NHSL1: variants seen among roughly 807,000 people sequenced by gnomAD.
NHSL1 encodes the protein NHS-like protein 1.
In NHSL1, 48 loss-of-function variants were observed where a neutral mutation model predicts 95.0. The ratio of observed to expected loss-of-function variants is 0.51; its 90% CI spans 0.40 to 0.64. NHSL1 has a LOEUF of 0.64. Ranked by LOEUF, NHSL1 falls within the 30% of genes least tolerant of loss-of-function variation. The pLI is 0.00. For synonymous variants in NHSL1, 783 were observed against 833.9 expected (o/e 0.94, Z 1.05); for missense variants, 1,971 against 2,077.7 (o/e 0.95, Z 1.00).
At chr6:138,540,297 C>T (rs933241630) in intron 1 of NHSL1, among the ~76,000 whole-genome samples, 1 of 152,208 alleles carries the variant, frequency 6.6e-6, no homozygotes, top group Non-Finnish European at 1.5e-5. Context: ...CACACAGATG[C>T]AATATTCCCA....
intron 1 of NHSL1, among the ~76,000 whole-genome samples, chr6:138,600,136 T>C (rs1784353178): frequency 6.6e-6 from 1 of 151,314 alleles, no homozygotes; most frequent in African/African-American, 2.4e-5. Context: ...AGAGCAAGAC[T>C]CCATCTCAAA....
chr6:138,433,559 G>A lies in NHSL1; in HGVS notation c.786C>T (p.Ser262=). Residue 262 remains serine, a synonymous_variant, in exon 6 of 8, where the codon TCC becomes TCT. Transcript: ENST00000343505. The stretch of plus-strand genomic sequence containing the variant: ...CCTTCACATCCTCCGTCTGACAGCT[G>A]GAGTCCCTGGTTTCTGAGCGCTGCC... ...SAGQRSETRD[S]SCQTEDVKVV... 9.0e-6 allele frequency: 14 copies of A among 1,551,946 alleles called. No individual in the cohort carries two copies. The highest frequency in any genetic ancestry group is 1.2e-5 in the Non-Finnish European group (14 of 1,147,058).
At chr6:138,676,815 T>G (rs1314189959) in intron 1 of NHSL1, among the ~76,000 whole-genome samples, 1 of 152,102 alleles carries the variant, frequency 6.6e-6, no homozygotes, top group African/African-American at 2.4e-5. Flanking sequence ...CCACTACACC[T>G]GGCTAATTTT....
intron 5 of NHSL1, among the ~76,000 whole-genome samples, chr6:138,441,421 T>A (rs944779032): frequency 6.6e-6 from 1 of 152,142 alleles, no homozygotes; most frequent in African/African-American, 2.4e-5. Context: ...AAACACAGAT[T>A]GAACAAAAAG....
chr6:138,634,300 T>G (rs2114666991), intron 1 of NHSL1, among the ~76,000 whole-genome samples: 1 of 152,200 alleles, frequency 6.6e-6, no homozygotes, highest in East Asian at 1.9e-4. Flanking sequence ...CAATAATCGG[T>G]TGCCTCCAAG....
At chr6:138,437,366 A>ATATATACACG (rs1562270400) in intron 5 of NHSL1, among the ~76,000 whole-genome samples, 12 of 18,510 alleles carry the variant, frequency 6.5e-4, no homozygotes, top group Non-Finnish European at 1.2e-3. Flanking sequence ...ACACATATAT[A>ATATATACACG]TATATACACA....
chr6:138,687,032 C>A (rs896395345), intron 1 of NHSL1, among the ~76,000 whole-genome samples: 2 of 152,116 alleles, frequency 1.3e-5, no homozygotes, highest in African/African-American at 2.4e-5. Context: ...GGCCACACAG[C>A]CACCAACATC....
At chr6:138,489,458 T>C (rs990859372) in intron 2 of NHSL1, among the ~76,000 whole-genome samples, 1 of 152,084 alleles carries the variant, frequency 6.6e-6, no homozygotes, top group East Asian at 1.9e-4. Context: ...ACATGACACC[T>C]GGACTTCTGT....
intron 1 of NHSL1, among the ~76,000 whole-genome samples, chr6:138,579,963 T>C (rs1049222750): frequency 6.6e-6 from 1 of 152,232 alleles, no homozygotes. Flanking sequence ...GACACATTGC[T>C]TGATACAAGC....
At chr6:138,456,525 A>G (rs1214999461) in intron 3 of NHSL1, among the ~76,000 whole-genome samples, 1 of 152,232 alleles carries the variant, frequency 6.6e-6, no homozygotes, top group Non-Finnish European at 1.5e-5. Context: ...TTTACTGCCA[A>G]AAATCTAGAT....
intron 1 of NHSL1, among the ~76,000 whole-genome samples, chr6:138,680,332 G>A (rs988798290): frequency 1.1e-4 from 16 of 152,092 alleles, no homozygotes; most frequent in African/African-American, 3.6e-4. Flanking sequence ...GCACCACCTA[G>A]TACACCGCAG....
At chr6:138,556,921 A>G (rs1783214219) in intron 1 of NHSL1, among the ~76,000 whole-genome samples, 1 of 152,160 alleles carries the variant, frequency 6.6e-6, no homozygotes, top group Non-Finnish European at 1.5e-5. Flanking sequence ...GAGTAAATAA[A>G]CTTGGTGTCT....
intron 2 of NHSL1, among the ~76,000 whole-genome samples, chr6:138,489,853 GGAGAGAGA>G (rs1202082058): frequency 1.0e-3 from 37 of 36,972 alleles, no homozygotes; most frequent in African/African-American, 4.5e-3. Flanking sequence ...AGGGAGAGAG[GGAGAGAGA>G]GAGAGAGAGA....
intron 1 of NHSL1, among the ~76,000 whole-genome samples, chr6:138,553,897 G>T (rs1783100481): frequency 6.6e-6 from 1 of 152,148 alleles, no homozygotes; most frequent in South Asian, 2.1e-4. Flanking sequence ...TCAGAAAGCA[G>T]TTTTTCCTAC....
chr6:138,494,522 A>C (rs1396442366), intron 2 of NHSL1, among the ~76,000 whole-genome samples: 1 of 152,212 alleles, frequency 6.6e-6, no homozygotes, highest in Non-Finnish European at 1.5e-5. Context: ...GGCTTAGAAC[A>C]GTATCTGGCA....
chr6:138,536,949 G>A (rs919663067), intron 1 of NHSL1, among the ~76,000 whole-genome samples: 1 of 152,094 alleles, frequency 6.6e-6, no homozygotes, highest in Non-Finnish European at 1.5e-5. Flanking sequence ...GAAATACAAC[G>A]AGAAGAGAAA....
intron 1 of NHSL1, among the ~76,000 whole-genome samples, chr6:138,676,764 C>A (rs1785454573): frequency 6.6e-6 from 1 of 152,198 alleles, no homozygotes; most frequent in Non-Finnish European, 1.5e-5. Context: ...AAGTGATTCT[C>A]CTGCCTCAGC....
intron 1 of NHSL1, among the ~76,000 whole-genome samples, chr6:138,626,244 T>G (rs1156727119): frequency 1.3e-5 from 2 of 152,240 alleles, no homozygotes; most frequent in African/African-American, 4.8e-5. Flanking sequence ...ATCAGTCCAC[T>G]TGCTTGAATT....
At chr6:138,620,574 T>G (rs1784642243) in intron 1 of NHSL1, among the ~76,000 whole-genome samples, 1 of 152,162 alleles carries the variant, frequency 6.6e-6, no homozygotes, top group Non-Finnish European at 1.5e-5. Context: ...TGAGAAGAAT[T>G]AAACAATTTT....
Sources: allele counts gnomAD v4.1 joint callset (sites outside exome capture counted in the v4.1 genomes callset), GRCh38; gene constraint gnomAD v4.1.1; transcripts MANE v1.5; gene names NCBI Gene and HGNC (gene_info 2026-07-23, HGNC 2026-07-21).